The following SLC6A5 variants were observed in gnomAD, a reference collection of about 807,000 sequenced individuals.
SLC6A5 encodes the protein solute carrier family 6 member 5, also known as sodium- and chloride-dependent glycine transporter 2.
In SLC6A5, 58 loss-of-function variants were observed where a neutral mutation model predicts 90.5. That is an observed-to-expected ratio of 0.64 (90% CI 0.52 to 0.80). The LOEUF (loss-of-function observed/expected upper bound fraction) is 0.80, where lower values mean the gene tolerates loss of function less well. Among genes scored for constraint, SLC6A5 ranks in the 30% least tolerant of loss-of-function variants. SLC6A5 has a pLI of 0.00. For synonymous variants in SLC6A5, 427 were observed against 401.4 expected (o/e 1.06, Z -0.76); for missense variants, 1,015 against 1,017.6 (o/e 1.00, Z 0.03).
intron 5 of SLC6A5, among the ~76,000 whole-genome samples, chr11:20,609,471 T>TAGGC (rs1264760532): frequency 6.6e-6 from 1 of 152,120 alleles, no homozygotes; most frequent in Non-Finnish European, 1.5e-5. Flanking sequence ...GATGGTGGCC[T>TAGGC]GACTTGCAGA....
chr11:20,657,671 A>G lies in SLC6A5; in HGVS notation c.*2803A>G, dbSNP rs182600835. ...GCTGAGGAAAGACTTTCATTGGTTC[A>G]CTGTGTAGAATGGTGGAGCATTTTC... On this transcript the variant is annotated 3_prime_UTR_variant, in exon 16 of 16. Transcript: ENST00000525748. 11 of 152,372 alleles carry G rather than the reference A, an allele frequency of 7.2e-5. No homozygotes were observed. Among genetic ancestry groups the G allele is most frequent in the Admixed American group, 6.5e-4 (10 of 15,308 alleles). 9.4% of individuals were successfully genotyped at this position (152,372 alleles called of 1,614,324 possible). A position where few individuals can be genotyped will look rare whatever the true frequency, so the allele number is the denominator to read the frequency against.
Position 20,654,773 on chromosome 11 carries a change from G to T in SLC6A5, c.2299G>T (p.Gly767Trp), listed in dbSNP as rs16906628. Residue 767 changes from glycine (G) to tryptophan (W), a missense_variant, in exon 16 of 16, where the codon GGG (glycine) becomes TGG (tryptophan). By Grantham distance (184) the Gly-to-Trp change is radical (BLOSUM62 -2). Coordinates refer to ENST00000525748, the MANE Select transcript of SLC6A5 (RefSeq NM_004211.5). ...GGGCCCATTCTTAGCTCAACACCGC[G>T]GGGAGCGTTACAAGAACATGATCGA... ...DWGPFLAQHR[G>W]ERYKNMIDPL... 1 of 1,614,090 alleles carries T rather than the reference G, an allele frequency of 6.2e-7. No individual in the cohort carries two copies. Among genetic ancestry groups the T allele is most frequent in the Non-Finnish European group, 8.5e-7 (1 of 1,180,002 alleles).
chr11:20,634,028 C>T (rs1307971155), intron 10 of SLC6A5, among the ~76,000 whole-genome samples: 13 of 152,136 alleles, frequency 8.5e-5, no homozygotes, highest in South Asian at 2.1e-4. Flanking sequence ...CCCCCCACTA[C>T]GCCCGGCTAA....
chr11:20,600,335 GGAAGAAGAAGAAGAA>G (rs55891826), intron 1 of SLC6A5, among the ~76,000 whole-genome samples: 5,095 of 87,866 alleles, frequency 0.058, 142 homozygotes, highest in South Asian at 0.081. Flanking sequence ...AAGAAGAAGA[GGAAGAAGAAGAAGAA>G]GAAGAAGAAG....
intron 14 of SLC6A5, among the ~76,000 whole-genome samples, chr11:20,649,234 G>A (rs1030516567): frequency 3.9e-5 from 6 of 152,154 alleles, no homozygotes; most frequent in African/African-American, 1.2e-4. Context: ...GTTGTGGAGA[G>A]GTCCCAGAAA....
At chr11:20,614,884 C>A in intron 6 of SLC6A5, 64 bp downstream of exon 6, 2 of 1,479,074 alleles carry the variant, frequency 1.4e-6, no homozygotes, top group Non-Finnish European at 1.9e-6. Flanking sequence ...AATAAATATT[C>A]AATTTGCAGA....
chr11:20,653,422 C>A (rs1853578228), intron 15 of SLC6A5, among the ~76,000 whole-genome samples: 1 of 152,144 alleles, frequency 6.6e-6, no homozygotes, highest in Admixed American at 6.5e-5. Flanking sequence ...TGATAGAAGG[C>A]AGAGAAGAAC....
At chr11:20,631,396 T>A (rs1182587024) in intron 10 of SLC6A5, among the ~76,000 whole-genome samples, 1 of 152,212 alleles carries the variant, frequency 6.6e-6, no homozygotes, top group Non-Finnish European at 1.5e-5. Context: ...TGGAGAGGCA[T>A]GTGGAATAAA....
rs554408423 is a variant in SLC6A5, at chr11:20,624,163, A to T, written c.1261-2545A>T. Reference sequence around the variant, plus strand: ...TTATATATATATATTATATATATATATTTTTTTTGAGACAGAGTCTCACTC... The same window carrying T: ...TTATATATATATATTATATATATATTTTTTTTTTGAGACAGAGTCTCACTC... On this transcript the variant is annotated intron_variant, in intron 7 of 15. Transcript: ENST00000525748. Among the ~76,000 whole-genome samples, 136 of 148,700 alleles carry T rather than the reference A, an allele frequency of 9.1e-4. 1 individual carries two copies. The highest frequency in any genetic ancestry group is 3.2e-3 in the African/African-American group (132 of 40,770).
At chr11:20,638,124 T>A (rs1474135158) in intron 12 of SLC6A5, among the ~76,000 whole-genome samples, 1 of 152,238 alleles carries the variant, frequency 6.6e-6, no homozygotes, top group African/African-American at 2.4e-5. Context: ...GATCAATTGC[T>A]TAAAGCAAAA....
At chr11:20,634,883 CGCCCACATTCACTTGTCTCT>C (rs1827916439) in intron 10 of SLC6A5, among the ~76,000 whole-genome samples, 1 of 152,152 alleles carries the variant, frequency 6.6e-6, no homozygotes, top group Admixed American at 6.5e-5. Context: ...ATTATCCCGG[CGCCCACATTCACTTGTCTCT>C]GCCCATTATC....
chr11:20,615,929 G>A (rs1852776405), intron 6 of SLC6A5, among the ~76,000 whole-genome samples: 1 of 152,196 alleles, frequency 6.6e-6, no homozygotes, highest in Admixed American at 6.5e-5. Context: ...AAAATGTGGG[G>A]CAGTGATGCC....
In SLC6A5 at chr11:20,652,472, T is replaced by A; in HGVS notation, c.2238+16T>A. 1.9e-6 allele frequency: 3 copies of A among 1,610,024 alleles called. No homozygotes were observed. The highest frequency in any genetic ancestry group is 2.6e-6 in the Non-Finnish European group (3 of 1,176,228). ...ATTTATTGAGGTAATTCTGTCTACT[T>A]CTTTCCCTCCCAATTCCTCCCAAGG... On this transcript the variant is annotated intron_variant, in intron 15 of 15. Transcript: ENST00000525748.
chr11:20,655,103 A>C lies in SLC6A5; in HGVS notation c.*235A>C. The C allele has an allele frequency of 1.8e-6, 1 of 544,790 alleles. No homozygotes were observed. The highest frequency in any genetic ancestry group is 1.9e-5 in the African/African-American group (1 of 53,344). 33.7% of individuals were successfully genotyped at this position (544,790 alleles called of 1,614,324 possible). On this transcript the variant is annotated 3_prime_UTR_variant, in exon 16 of 16. Transcript: ENST00000525748. ...GTGCCCATGGTGACTGTTTCTGGTCAGGTTGGTCCCCTGACCACACGTTTT... is the reference window on the plus strand; with the variant it reads ...GTGCCCATGGTGACTGTTTCTGGTCCGGTTGGTCCCCTGACCACACGTTTT...
chr11:20,640,258 T>C (rs1192691868), intron 13 of SLC6A5, among the ~76,000 whole-genome samples: 1 of 152,238 alleles, frequency 6.6e-6, no homozygotes, highest in Non-Finnish European at 1.5e-5. Flanking sequence ...TTCTGTTACC[T>C]GTACCCTAAC....
rs11025671 is a variant in SLC6A5 at position 20,636,057 on chromosome 11, C to T, written c.1625-250C>T. On this transcript the variant is annotated intron_variant, in intron 10 of 15. Coordinates refer to ENST00000525748, the MANE Select transcript of SLC6A5 (RefSeq NM_004211.5). ...CAGTAGAGTTGCCTCTGAGTCTCTGCTTAGACACTATTTTTAGGCCTCTCC... is the reference window on the plus strand; with the variant it reads ...CAGTAGAGTTGCCTCTGAGTCTCTGTTTAGACACTATTTTTAGGCCTCTCC... 0.25 allele frequency among the ~76,000 whole-genome samples: 38,075 copies of T among 152,138 alleles called. 5,060 individuals carry two copies. Among genetic ancestry groups the T allele is most frequent in the Middle Eastern group, 0.34 (99 of 294 alleles).
intron 9 of SLC6A5, among the ~76,000 whole-genome samples, chr11:20,629,546 A>G (rs927758090): frequency 6.6e-6 from 1 of 152,200 alleles, no homozygotes; most frequent in Non-Finnish European, 1.5e-5. Flanking sequence ...TTTATGGAGT[A>G]CAGTATGATA....
intron 7 of SLC6A5, among the ~76,000 whole-genome samples, chr11:20,620,461 A>G (rs1275427903): frequency 6.6e-6 from 1 of 152,218 alleles, no homozygotes; most frequent in African/African-American, 2.4e-5. Context: ...TACCTGGTGT[A>G]TGGTCAGTTA....
chr11:20,601,409 G>A lies in SLC6A5; in HGVS notation c.284G>A (p.Arg95Gln), dbSNP rs779746122. Residue 95 changes from arginine to glutamine, a missense_variant, in exon 2 of 16, where the codon CGG (arginine) becomes CAG (glutamine). This residue lies in a region of SLC6A5 where 567 missense variants were observed against 507.3 expected (regional missense o/e 1.12). Coordinates refer to ENST00000525748, the MANE Select transcript of SLC6A5 (RefSeq NM_004211.5). ...GCGCAGGCGGCCTCTGCAGCTCTGC[G>A]GGACTTGAGAGAGGCGCAAGGCGCG... The part of the protein sequence containing the change: ...PRAQAASAAL[R>Q]DLREAQGAQA... The A allele has an allele frequency of 6.2e-7, 1 of 1,605,316 alleles. No individual in the cohort carries two copies. The highest frequency in any genetic ancestry group is 8.5e-7 in the Non-Finnish European group (1 of 1,176,482).
Sources: gnomAD v4.1 joint callset for allele counts (sites outside exome capture counted in the v4.1 genomes callset) on GRCh38, gnomAD v4.1.1 for gene constraint, gnomAD v4.1.1 regional missense constraint, MANE v1.5 for transcripts, NCBI Gene and HGNC (gene_info 2026-07-23, HGNC 2026-07-21) for gene names.